TIPRL: variants seen among roughly 807,000 people sequenced by gnomAD.
The protein encoded by TIPRL is TOR signaling pathway regulator.
TIPRL carries 10 observed loss-of-function variants against 32.3 expected under a neutral mutation model. That is an observed-to-expected ratio of 0.31 (90% CI 0.19 to 0.52). The LOEUF (loss-of-function observed/expected upper bound fraction) is 0.52. Among genes scored for constraint, TIPRL ranks in the 20% least tolerant of loss-of-function variants. The pLI, the probability that TIPRL is intolerant of heterozygous loss-of-function variation, is 0.96. For missense variants in TIPRL, 250 were observed against 328.1 expected (o/e 0.76, Z 1.84); for synonymous variants, 100 against 114.0 (o/e 0.88, Z 0.78).
At chr1:168,194,923 A>G (rs1207518975) in intron 4 of TIPRL, among the ~76,000 whole-genome samples, 1 of 152,230 alleles carries the variant, frequency 6.6e-6, no homozygotes, top group African/African-American at 2.4e-5. Context: ...AAATCCGTTA[A>G]TTCGTAATGG....
At chr1:168,182,363 C>T (rs145098242) in intron 1 of TIPRL, among the ~76,000 whole-genome samples, 1,933 of 152,226 alleles carry the variant, frequency 0.013, 38 homozygotes, top group African/African-American at 0.043. Flanking sequence ...CGGTGACTCA[C>T]GCCTGTAATC....
At chr1:168,194,289 G>C (rs888549498) in intron 4 of TIPRL, among the ~76,000 whole-genome samples, 1 of 152,166 alleles carries the variant, frequency 6.6e-6, no homozygotes, top group East Asian at 1.9e-4. Context: ...CAGATCTGTC[G>C]TTCTGGTCCT....
Position 168,184,881 on chromosome 1 carries a change from A to G in TIPRL, c.384+3A>G, listed in dbSNP as rs898796541. Reference sequence around the variant, plus strand: ...TTGGAGAATCTCTTAAGTTAAAGGTAAATCTTACTTTTTTCTTTCATGAGT... The same window carrying G: ...TTGGAGAATCTCTTAAGTTAAAGGTGAATCTTACTTTTTTCTTTCATGAGT... On this transcript the variant is annotated splice_donor_region_variant and intron_variant, in intron 3 of 6. Coordinates refer to ENST00000367833, the MANE Select transcript of TIPRL (RefSeq NM_152902.5). The G allele has an allele frequency of 2.5e-6, 4 of 1,580,534 alleles. No individual in the cohort carries two copies.
Position 168,184,813 on chromosome 1 carries a change from C to G in TIPRL, c.319C>G (p.Pro107Ala), listed in dbSNP as rs1487973524. 6.2e-7 allele frequency: 1 copy of G among 1,612,628 alleles called. No individual in the cohort carries two copies. The highest frequency in any genetic ancestry group is 8.5e-7 in the Non-Finnish European group (1 of 1,179,108). The change falls in exon 3 of 7, where the codon CCA becomes GCA. Residue 107 changes from proline to alanine, a missense_variant. Coordinates refer to ENST00000367833, the MANE Select transcript of TIPRL (RefSeq NM_152902.5). ...EGEHSKEVIK[P>A]YDWTYTTDYK... The stretch of plus-strand genomic sequence containing the variant: ...TGAACACTCCAAAGAGGTTATTAAA[C>G]CATATGATTGGACCTATACAACAGA...
At position 168,184,908 on chromosome 1, in the gene TIPRL, A is replaced by G. The variant is rs1215630307; in HGVS notation, c.384+30A>G. ...ATCTTACTTTTTTCTTTCATGAGTC[A>G]TTGATTGTCTTGGACAGTCTGAGCA... On this transcript the variant is annotated intron_variant, in intron 3 of 6. Transcript: ENST00000367833. 9 of 1,417,424 alleles carry G rather than the reference A, an allele frequency of 6.3e-6. No individual in the cohort carries two copies. The African/African-American group carries it at 8.5e-5, about 13-fold the overall frequency. The allele number at this position is 1,417,424 out of a possible 1,614,324, so 87.8% of individuals were successfully genotyped here.
chr1:168,197,788 A>C (rs968462488), intron 5 of TIPRL, among the ~76,000 whole-genome samples: 1 of 152,170 alleles, frequency 6.6e-6, no homozygotes, highest in Non-Finnish European at 1.5e-5. Context: ...CGGCCTCCCA[A>C]AGTGCTGGGA....
At chr1:168,184,706 G>T in intron 2 of TIPRL, 73 bp from the exon 3 acceptor site, 3 of 872,162 alleles carry the variant, frequency 3.4e-6, no homozygotes, top group Non-Finnish European at 5.5e-6. Flanking sequence ...AATATAATTT[G>T]ATGTGATATA....
At chr1:168,192,727 A>C (rs1381435999) in intron 4 of TIPRL, among the ~76,000 whole-genome samples, 4 of 152,156 alleles carry the variant, frequency 2.6e-5, no homozygotes, top group Admixed American at 6.5e-5. Context: ...TCTACTAAAA[A>C]TACAAAAAAT....
chr1:168,199,992 A>G lies in TIPRL; in HGVS notation c.765A>G (p.Pro255=). Residue 255 remains proline (P), a synonymous_variant, in exon 7 of 7, where the codon CCA becomes CCG. Coordinates refer to ENST00000367833, the MANE Select transcript of TIPRL (RefSeq NM_152902.5). ...KEAVCEKLIF[P]ERIDPNPADS... is the part of the protein sequence containing the mutation. ...CAGTTTGTGAGAAGCTAATATTTCC[A>G]GAAAGAATTGATCCTAACCCAGCAG... The G allele has an allele frequency of 6.2e-7, 1 of 1,613,730 alleles. No homozygotes were observed.
chr1:168,184,747 TG>T lies in TIPRL; in HGVS notation c.285-31del, dbSNP rs754702232. 5 of 1,384,282 alleles carry T rather than the reference TG, an allele frequency of 3.6e-6. 1 individual carries two copies. The South Asian group carries it at 4.8e-5, about 13-fold the overall frequency. The allele number at this position is 1,384,282 out of a possible 1,614,324, so 85.7% of individuals were successfully genotyped here. A position where few individuals can be genotyped will look rare whatever the true frequency, so the allele number is the denominator to read the frequency against. ...ACAGATAATCTCTATTCTGCATCAC[TG>T]AATCTGATCCTTCTCATTTTGGTAT... On this transcript the variant is annotated intron_variant, in intron 2 of 6. Transcript: ENST00000367833.
At position 168,200,091 on chromosome 1, in the gene TIPRL, T is replaced by G. The variant is rs765010226; in HGVS notation, c.*45T>G. 6.3e-7 allele frequency: 1 copy of G among 1,588,368 alleles called. No homozygotes were observed. Among genetic ancestry groups the G allele is most frequent in the East Asian group, 2.3e-5 (1 of 44,222 alleles). On this transcript the variant is annotated 3_prime_UTR_variant, in exon 7 of 7. Transcript: ENST00000367833. ...TCACTATGGAATCTGACTGGACACCTTGGCTATTTGTAAGGGGTTATTTTT... is the reference window on the plus strand; with the variant it reads ...TCACTATGGAATCTGACTGGACACCGTGGCTATTTGTAAGGGGTTATTTTT...
intron 2 of TIPRL, among the ~76,000 whole-genome samples, chr1:168,184,469 A>G (rs1361987910): frequency 1.3e-5 from 2 of 152,180 alleles, no homozygotes; most frequent in African/African-American, 2.4e-5. Context: ...TTTCTTTGAT[A>G]GTCAAATCAG....
chr1:168,197,893 T>G (rs753331048), intron 5 of TIPRL, among the ~76,000 whole-genome samples: 7 of 152,318 alleles, frequency 4.6e-5, no homozygotes, highest in Non-Finnish European at 8.8e-5. Context: ...CTAAAAAGAT[T>G]CTTTTATATA....
Position 168,198,904 on chromosome 1 carries a change from T to G in TIPRL, c.613-15T>G. On this transcript the variant is annotated splice_polypyrimidine_tract_variant and intron_variant, in intron 5 of 6. Transcript: ENST00000367833. ...TATAATTAAATTTATTGCAACTGTT[T>G]ATTTTTAAATACAGGCTGACAAGAC... 6.2e-7 allele frequency: 1 copy of G among 1,601,762 alleles called. No individual in the cohort carries two copies. The highest frequency in any genetic ancestry group is 8.5e-7 in the Non-Finnish European group (1 of 1,173,372).
intron 1 of TIPRL, 63 bp from the exon 2 acceptor site, chr1:168,183,838 GA>G: frequency 6.5e-7 from 1 of 1,542,194 alleles, no homozygotes; most frequent in Non-Finnish European, 8.9e-7. Context: ...TGTTGGGATG[GA>G]AAAGAAACAA....
At chr1:168,180,820 C>CTTTT (rs71118909) in intron 1 of TIPRL, among the ~76,000 whole-genome samples, 12,044 of 123,042 alleles carry the variant, frequency 0.098, 850 homozygotes, top group Admixed American at 0.25. Context: ...TTTTTTATAA[C>CTTTT]TTTTTTTTTT....
intron 5 of TIPRL, 149 bp downstream of exon 5, chr1:168,196,791 A>G: frequency 2.2e-6 from 1 of 464,440 alleles, no homozygotes; most frequent in Non-Finnish European, 3.6e-6. Context: ...TTCACTGTTG[A>G]CTGCAGGCTA....
At position 168,183,834 on chromosome 1, in the gene TIPRL, G is replaced by T. The variant is rs1699995766; in HGVS notation, c.105-68G>T. ...CAGCAAGTAGGAAGAATTCTGTTGG[G>T]ATGGAAAAGAAACAAAAATGCCAAC... On this transcript the variant is annotated intron_variant, in intron 1 of 6. Coordinates refer to ENST00000367833, the MANE Select transcript of TIPRL (RefSeq NM_152902.5). 3 of 1,506,720 alleles carry T rather than the reference G, an allele frequency of 2.0e-6. No homozygotes were observed. In the South Asian group the frequency reaches 3.6e-5, roughly 18 times the overall value. 93.3% of individuals were successfully genotyped at this position (1,506,720 alleles called of 1,614,324 possible).
At chr1:168,197,287 GAA>G (rs60707184) in intron 5 of TIPRL, among the ~76,000 whole-genome samples, 25,209 of 144,016 alleles carry the variant, frequency 0.18, 2,552 homozygotes, top group Admixed American at 0.34. Context: ...CTGTCTCAAA[GAA>G]AAAAAAAAAA....
Sources: gnomAD v4.1 joint callset for allele counts (sites outside exome capture counted in the v4.1 genomes callset) on GRCh38, gnomAD v4.1.1 for gene constraint, MANE v1.5 for transcripts, NCBI Gene and HGNC (gene_info 2026-07-23, HGNC 2026-07-21) for gene names.